The following PCDH15 variants were observed in gnomAD, a reference collection of about 807,000 sequenced individuals.
The protein encoded by PCDH15 is protocadherin-15.
PCDH15 carries 129 observed loss-of-function variants against 178.5 expected under a neutral mutation model. The ratio of observed to expected loss-of-function variants is 0.72; its 90% CI spans 0.63 to 0.84. PCDH15 has a LOEUF of 0.84. Ranked by LOEUF, PCDH15 falls within the 40% of genes least tolerant of loss-of-function variation. The pLI is 0.00. For missense variants in PCDH15, 2,230 were observed against 2,099.9 expected (o/e 1.06, Z -1.21); for synonymous variants, 800 against 732.0 (o/e 1.09, Z -1.50).
intron 3 of PCDH15, among the ~76,000 whole-genome samples, chr10:54,496,258 A>AAGTTTCCAAGTGGAAACTTCC (rs1391915218): frequency 6.6e-6 from 1 of 152,146 alleles, no homozygotes; most frequent in African/African-American, 2.4e-5. Context: ...CCATGAAACT[A>AAGTTTCCAAGTGGAAACTTCC]AGTTTCCAAG....
chr10:54,746,950 G>T (rs1414690), intron 1 of PCDH15, among the ~76,000 whole-genome samples: 126,510 of 152,158 alleles, frequency 0.83, 52,758 homozygotes, highest in East Asian at 0.94. Context: ...GAGTATTATA[G>T]GCATTTGTGA....
intron 1 of PCDH15, among the ~76,000 whole-genome samples, chr10:54,680,645 C>T (rs2094882479): frequency 6.6e-6 from 1 of 151,992 alleles, no homozygotes; most frequent in African/African-American, 2.4e-5. Context: ...GGGCATTTTC[C>T]CCCATACTGT....
intron 2 of PCDH15, among the ~76,000 whole-genome samples, chr10:55,366,671 A>C (rs1845368668): frequency 6.6e-6 from 1 of 152,170 alleles, no homozygotes; most frequent in Admixed American, 6.5e-5. Flanking sequence ...TAGAATGTTC[A>C]CTAAGTTCTG....
intron 8 of PCDH15, among the ~76,000 whole-genome samples, chr10:54,260,928 C>T (rs995746833): frequency 2.0e-5 from 3 of 152,182 alleles, no homozygotes; most frequent in Non-Finnish European, 2.9e-5. Flanking sequence ...CCACCATGCC[C>T]GGCCTGATTT....
intron 3 of PCDH15, among the ~76,000 whole-genome samples, chr10:54,504,647 T>C (rs927291570): frequency 1.3e-5 from 2 of 152,106 alleles, no homozygotes; most frequent in Admixed American, 6.6e-5. Context: ...ACCCTAAGAG[T>C]AAGGACCAAG....
intron 26 of PCDH15, 106 bp downstream of exon 26, chr10:53,903,137 G>A (rs1254174223): frequency 3.8e-6 from 5 of 1,324,442 alleles, no homozygotes; most frequent in Non-Finnish European, 5.3e-6. Context: ...TCAGGCTTTT[G>A]TTTATACAGC....
intron 15 of PCDH15, among the ~76,000 whole-genome samples, chr10:54,106,446 C>G (rs1030895256): frequency 6.6e-6 from 1 of 152,146 alleles, no homozygotes; most frequent in African/African-American, 2.4e-5. Context: ...CAGAAAGTGT[C>G]AGGTCATGGG....
chr10:55,493,607 C>A (rs992139537), intron 2 of PCDH15, among the ~76,000 whole-genome samples: 2 of 150,842 alleles, frequency 1.3e-5, no homozygotes, highest in Non-Finnish European at 3.0e-5. Flanking sequence ...AGAAGGATGA[C>A]ATATTCAAAG....
At chr10:54,280,468 T>C (rs558377852) in intron 8 of PCDH15, among the ~76,000 whole-genome samples, 42 of 151,870 alleles carry the variant, frequency 2.8e-4, no homozygotes, top group Admixed American at 5.9e-4. Context: ...ATCTTGGCCC[T>C]TTATTGTTGG....
At chr10:54,149,173 T>G (rs2133283315) in intron 14 of PCDH15, among the ~76,000 whole-genome samples, 1 of 152,216 alleles carries the variant, frequency 6.6e-6, no homozygotes, top group Non-Finnish European at 1.5e-5. Flanking sequence ...ACTCCTTCAT[T>G]ATCGTAAGTT....
intron 13 of PCDH15, among the ~76,000 whole-genome samples, chr10:54,162,940 C>A (rs2045861288): frequency 6.6e-6 from 1 of 151,606 alleles, no homozygotes; most frequent in South Asian, 2.1e-4. Context: ...TCTTTTTTGC[C>A]TCACCAGATG....
intron 15 of PCDH15, among the ~76,000 whole-genome samples, chr10:54,130,691 G>A (rs1206742610): frequency 1.3e-5 from 2 of 152,134 alleles, no homozygotes; most frequent in Non-Finnish European, 1.5e-5. Flanking sequence ...AAACAGATTA[G>A]TTTGAAGCCA....
chr10:55,511,155 G>A (rs1840877246), intron 2 of PCDH15, among the ~76,000 whole-genome samples: 1 of 151,686 alleles, frequency 6.6e-6, no homozygotes. Flanking sequence ...TTACAGGCAT[G>A]AGTCACCACA....
intron 2 of PCDH15, among the ~76,000 whole-genome samples, chr10:55,148,057 T>C (rs999566961): frequency 7.9e-5 from 12 of 151,890 alleles, no homozygotes; most frequent in African/African-American, 2.7e-4. Context: ...CCTGTAAATA[T>C]GCTTAAAGCT....
At chr10:55,623,504 A>G (rs1837453226) in intron 2 of PCDH15, among the ~76,000 whole-genome samples, 1 of 152,034 alleles carries the variant, frequency 6.6e-6, no homozygotes, top group African/African-American at 2.4e-5. Flanking sequence ...TTCAATGTAA[A>G]TGCAAATGTA....
upstream of PCDH15, among the ~76,000 whole-genome samples, chr10:55,323,869 G>A (rs188128860): frequency 9.9e-5 from 15 of 152,136 alleles, no homozygotes; most frequent in African/African-American, 3.4e-4. Flanking sequence ...GAGGTGTTGG[G>A]GTAGAATGAT....
At chr10:55,022,947 T>A (rs1380288441) in intron 2 of PCDH15, among the ~76,000 whole-genome samples, 1 of 151,486 alleles carries the variant, frequency 6.6e-6, no homozygotes, top group East Asian at 1.9e-4. Context: ...TTTATTTATA[T>A]ACATATTTTT....
intron 1 of PCDH15, among the ~76,000 whole-genome samples, chr10:54,765,933 G>T (rs1012265156): frequency 1.3e-5 from 2 of 152,194 alleles, no homozygotes; most frequent in Non-Finnish European, 2.9e-5. Flanking sequence ...ATAACATTCT[G>T]ATCTTTAATG....
intron 3 of PCDH15, among the ~76,000 whole-genome samples, chr10:54,866,779 G>GAAAA (rs896701432): frequency 2.0e-5 from 3 of 151,922 alleles, no homozygotes; most frequent in African/African-American, 7.3e-5. Context: ...TGCAAAGATA[G>GAAAA]ACAGTAGGTT....
Sources: allele counts gnomAD v4.1 joint callset (sites outside exome capture counted in the v4.1 genomes callset), GRCh38; gene constraint gnomAD v4.1.1; transcripts MANE v1.5; gene names NCBI Gene and HGNC (gene_info 2026-07-23, HGNC 2026-07-21).